HPSE2: variants seen among roughly 807,000 people sequenced by gnomAD.
The protein encoded by HPSE2 is heparanase 2 (inactive), also known as inactive heparanase-2.
A neutral mutation model predicts 60.5 loss-of-function variants in HPSE2; 38 were observed. The observed-to-expected ratio is 0.63, with a 90% CI of 0.48 to 0.82. The LOEUF is 0.82. Ranked by LOEUF, HPSE2 falls within the 40% of genes least tolerant of loss-of-function variation. The probability of loss-of-function intolerance (pLI) is 0.00; values close to 1 mark genes in which losing one functional copy is unlikely to be tolerated. For missense variants in HPSE2, 713 were observed against 740.4 expected, an observed-to-expected ratio of 0.96 and a Z score of 0.43; for synonymous variants, 295 against 293.2, an observed-to-expected ratio of 1.01 and a Z score of -0.06.
chr10:99,119,045 A>AAAAGAAAG (rs1336686620), intron 3 of HPSE2, among the ~76,000 whole-genome samples: 1 of 148,068 alleles, frequency 6.8e-6, no homozygotes, highest in African/African-American at 2.5e-5. Flanking sequence ...GAAAGAAAAG[A>AAAAGAAAG]AAAGAAAGAA....
At chr10:99,056,112 A>G (rs1958107578) in intron 3 of HPSE2, among the ~76,000 whole-genome samples, 1 of 142,858 alleles carries the variant, frequency 7.0e-6, no homozygotes, top group African/African-American at 2.5e-5. Flanking sequence ...TATCAGGAAT[A>G]AAAGCAGACA....
chr10:98,647,285 A>G (rs1386190186), intron 6 of HPSE2, among the ~76,000 whole-genome samples: 1 of 152,204 alleles, frequency 6.6e-6, no homozygotes, highest in East Asian at 1.9e-4. Flanking sequence ...TTAGGCTTTT[A>G]AAACATTTAA....
intron 3 of HPSE2, among the ~76,000 whole-genome samples, chr10:98,816,263 G>GT (rs1346162207): frequency 2.0e-5 from 3 of 151,842 alleles, no homozygotes; most frequent in Admixed American, 1.3e-4. Context: ...TTTGTTTTTT[G>GT]TTTTTTTGTT....
chr10:98,461,609 T>C, intron 11 of HPSE2: 1 of 586,718 alleles, frequency 1.7e-6, no homozygotes. Context: ...GTGCTATGAA[T>C]ATCTATCACC....
chr10:99,198,995 T>TC lies in HPSE2; in HGVS notation c.448+33352dup, dbSNP rs754602271. Among the ~76,000 whole-genome samples the TC allele has an allele frequency of 3.1e-3, 477 of 152,296 alleles. 5 individuals are homozygous for TC. The highest frequency in any genetic ancestry group is 5.8e-3 in the Non-Finnish European group (392 of 67,992). On this transcript the variant is annotated intron_variant, in intron 2 of 11. Transcript: ENST00000370552. Reference sequence around the variant, plus strand: ...CTTAGCATAATGTGCTCCAGGTTAATCCATGTTGTCACATATGACAAAACT... The same window carrying TC: ...CTTAGCATAATGTGCTCCAGGTTAATCCCATGTTGTCACATATGACAAAACT...
intron 3 of HPSE2, among the ~76,000 whole-genome samples, chr10:99,056,224 T>TA (rs957692287): frequency 8.9e-4 from 134 of 150,042 alleles, no homozygotes; most frequent in African/African-American, 2.6e-3. Flanking sequence ...CAAATTCCTT[T>TA]AAAAAAAAAC....
intron 11 of HPSE2, among the ~76,000 whole-genome samples, chr10:98,469,375 T>C (rs1591221739): frequency 6.6e-6 from 1 of 152,186 alleles, no homozygotes; most frequent in African/African-American, 2.4e-5. Context: ...ATAAAAACCA[T>C]GGAGACTTCA....
rs1001514623 is a variant in HPSE2 at position 99,101,902 on chromosome 10, A to T, written c.610+42336T>A. 2.2e-4 allele frequency among the ~76,000 whole-genome samples: 34 copies of T among 152,278 alleles called. 1 individual carries two copies. The highest frequency in any genetic ancestry group is 1.6e-3 in the Admixed American group (24 of 15,284). ...AATGACTACTGGGTACATAACGAAAAGAAGGCAGAAATGAAGATGTTCTTT... is the reference window on the plus strand; with the variant it reads ...AATGACTACTGGGTACATAACGAAATGAAGGCAGAAATGAAGATGTTCTTT... On this transcript the variant is annotated intron_variant, in intron 3 of 11. Coordinates refer to ENST00000370552, the MANE Select transcript of HPSE2 (RefSeq NM_021828.5).
At chr10:98,609,165 C>T (rs1945678100) in intron 9 of HPSE2, among the ~76,000 whole-genome samples, 1 of 152,142 alleles carries the variant, frequency 6.6e-6, no homozygotes, top group South Asian at 2.1e-4. Context: ...TTCCTTGATG[C>T]CCCATGCCTG....
intron 3 of HPSE2, among the ~76,000 whole-genome samples, chr10:98,876,245 A>T (rs1952874497): frequency 1.3e-5 from 2 of 151,930 alleles, no homozygotes; most frequent in African/African-American, 4.8e-5. Context: ...AAAAGTGGTC[A>T]ATGTGGAGAA....
chr10:98,657,452 C>A lies in HPSE2; in HGVS notation c.1005-15512G>T, dbSNP rs1947103565. Among the ~76,000 whole-genome samples the A allele has an allele frequency of 2.0e-5, 3 of 152,192 alleles. No individual in the cohort carries two copies. In the South Asian group the frequency reaches 6.2e-4, roughly 32 times the overall value. Reference sequence around the variant, plus strand: ...TTCATGCAATTCTTGTGCTTCAACACCCCCCGCCCCAGTAGCTGGGATTAT... The same window carrying A: ...TTCATGCAATTCTTGTGCTTCAACAACCCCCGCCCCAGTAGCTGGGATTAT... On this transcript the variant is annotated intron_variant, in intron 6 of 11. Coordinates refer to ENST00000370552, the MANE Select transcript of HPSE2 (RefSeq NM_021828.5).
chr10:98,849,030 T>A (rs975533802), intron 3 of HPSE2, among the ~76,000 whole-genome samples: 12 of 151,422 alleles, frequency 7.9e-5, no homozygotes, highest in Non-Finnish European at 1.8e-4. Context: ...AAAAAAAAAA[T>A]TATAATTTCA....
chr10:98,667,469 C>T (rs554346453), intron 6 of HPSE2, among the ~76,000 whole-genome samples: 1 of 152,120 alleles, frequency 6.6e-6, no homozygotes, highest in Admixed American at 6.5e-5. Context: ...GGCAGAGACA[C>T]AATGAAAAAA....
intron 3 of HPSE2, among the ~76,000 whole-genome samples, chr10:98,913,066 G>A (rs1219239535): frequency 6.6e-6 from 1 of 152,072 alleles, no homozygotes; most frequent in Non-Finnish European, 1.5e-5. Flanking sequence ...TACCTGCTAT[G>A]TAGGCACAAA....
chr10:98,535,062 G>A, intron 9 of HPSE2, among the ~76,000 whole-genome samples: 1 of 152,106 alleles, frequency 6.6e-6, no homozygotes, highest in East Asian at 1.9e-4. Flanking sequence ...AACTTTGTGG[G>A]TTACCTACAG....
intron 6 of HPSE2, among the ~76,000 whole-genome samples, chr10:98,675,938 G>C (rs1460391126): frequency 1.3e-5 from 2 of 151,730 alleles, no homozygotes; most frequent in African/African-American, 4.8e-5. Context: ...AGCTACTTTA[G>C]AGGCTGAGGG....
chr10:99,301,385 A>T, the HPSE2 span, among the ~76,000 whole-genome samples: 2 of 152,324 alleles, frequency 1.3e-5, no homozygotes, highest in Non-Finnish European at 2.9e-5. Flanking sequence ...AAGTGAGGGT[A>T]TCAGGTATCC....
At chr10:98,565,554 A>G (rs1944318390) in intron 9 of HPSE2, among the ~76,000 whole-genome samples, 1 of 151,892 alleles carries the variant, frequency 6.6e-6, no homozygotes, top group Non-Finnish European at 1.5e-5. Flanking sequence ...TATGTACCAC[A>G]TTTTCTTTAT....
intron 3 of HPSE2, among the ~76,000 whole-genome samples, chr10:98,888,129 AAAAC>A (rs1188023245): frequency 9.3e-6 from 1 of 107,698 alleles, no homozygotes; most frequent in African/African-American, 4.1e-5. Flanking sequence ...GATAGGTTTT[AAAAC>A]AAACACACAC....
Sources: allele counts gnomAD v4.1 joint callset (sites outside exome capture counted in the v4.1 genomes callset), GRCh38; gene constraint gnomAD v4.1.1; transcripts MANE v1.5; gene names NCBI Gene and HGNC (gene_info 2026-07-23, HGNC 2026-07-21).